GATAD2A: variants seen among roughly 807,000 people sequenced by gnomAD.
The protein encoded by GATAD2A is transcriptional repressor p66-alpha.
In GATAD2A, 12 loss-of-function variants were observed where a neutral mutation model predicts 68.5. The observed-to-expected ratio is 0.18, with a 90% confidence interval of 0.11 to 0.28. The LOEUF is 0.28. GATAD2A is among the 10% of genes least tolerant of loss of function. The probability of loss-of-function intolerance (pLI) is 1.00; values close to 1 mark genes in which losing one functional copy is unlikely to be tolerated. For synonymous variants in GATAD2A, 410 were observed against 375.3 expected (o/e 1.09, Z -1.07); for missense variants, 755 against 868.5 (o/e 0.87, Z 1.64).
chr19:19,406,733 T>A lies in GATAD2A; in HGVS notation c.-7+714T>A, dbSNP rs918433185. Among the ~76,000 whole-genome samples the A allele has an allele frequency of 1.5e-4, 23 of 152,318 alleles. 1 individual carries two copies. Among genetic ancestry groups the A allele is most frequent in the Admixed American group, 1.3e-3 (20 of 15,312 alleles). ...AGCAGCTGGCCTTTTAAAGGGATTA[T>A]TGCCAAGAATCGGAATTGATCACTT... is the stretch of plus-strand genomic sequence containing the variant. On this transcript the variant is annotated intron_variant, in intron 1 of 11. Coordinates refer to ENST00000683918, the MANE Select transcript of GATAD2A (RefSeq NM_001384528.1).
At chr19:19,387,636 G>A (rs965820636) in intron 1 of GATAD2A, among the ~76,000 whole-genome samples, 1 of 152,094 alleles carries the variant, frequency 6.6e-6, no homozygotes, top group Non-Finnish European at 1.5e-5. Context: ...TTTGATGAGT[G>A]CCTTCACTTT....
At chr19:19,450,766 T>C (rs2056296868) in intron 1 of GATAD2A, among the ~76,000 whole-genome samples, 1 of 148,588 alleles carries the variant, frequency 6.7e-6, no homozygotes, top group African/African-American at 2.5e-5. Flanking sequence ...AAAAAAACTC[T>C]TTTTTTTTGT....
intron 7 of GATAD2A, 69 bp from the exon 8 acceptor site, chr19:19,498,374 C>T (rs899936082): frequency 1.7e-5 from 25 of 1,467,018 alleles, no homozygotes; most frequent in East Asian, 9.2e-5. Context: ...CCTCGGGCTT[C>T]GGGGCGCTGG....
intron 1 of GATAD2A, among the ~76,000 whole-genome samples, chr19:19,397,264 C>T (rs537021145): frequency 2.0e-5 from 3 of 151,684 alleles, no homozygotes; most frequent in East Asian, 3.9e-4. Context: ...TTTTTTGAGA[C>T]GGAGTTTCGC....
Position 19,452,041 on chromosome 19 carries a change from A to C in GATAD2A, c.-6-13299A>C, listed in dbSNP as rs1191694678. On this transcript the variant is annotated intron_variant, in intron 1 of 11. Transcript: ENST00000683918. ...TCTGAGACAATTGAGCAAGACTCAGAAGTAGGAGGAGGGGATGAAAACTGT... is the reference window on the plus strand; with the variant it reads ...TCTGAGACAATTGAGCAAGACTCAGCAGTAGGAGGAGGGGATGAAAACTGT... Among the ~76,000 whole-genome samples, 5 of 152,166 alleles carry C rather than the reference A, an allele frequency of 3.3e-5. No individual in the cohort carries two copies. The East Asian group carries it at 9.6e-4, about 29-fold the overall frequency.
chr19:19,426,113 T>C (rs1255013266), intron 1 of GATAD2A, among the ~76,000 whole-genome samples: 2 of 152,116 alleles, frequency 1.3e-5, no homozygotes, highest in Admixed American at 6.5e-5. Context: ...GTTTTCTTTT[T>C]AATGATGTTA....
chr19:19,422,824 G>A (rs1034286920), intron 1 of GATAD2A, among the ~76,000 whole-genome samples: 7 of 151,260 alleles, frequency 4.6e-5, no homozygotes, highest in Non-Finnish European at 1.0e-4. Flanking sequence ...CCACTCTTCT[G>A]CCTCAGCCTC....
chr19:19,485,441 G>A (rs1013675969), intron 2 of GATAD2A, among the ~76,000 whole-genome samples: 1 of 152,184 alleles, frequency 6.6e-6, no homozygotes, highest in Non-Finnish European at 1.5e-5. Context: ...CACATGTGAT[G>A]GCCAAAACAG....
At chr19:19,454,701 G>C (rs1055368952) in intron 1 of GATAD2A, among the ~76,000 whole-genome samples, 1 of 151,248 alleles carries the variant, frequency 6.6e-6, no homozygotes, top group Admixed American at 6.6e-5. Flanking sequence ...CTCCCAAAGA[G>C]TTGGGATTAC....
intron 2 of GATAD2A, among the ~76,000 whole-genome samples, chr19:19,468,195 C>T (rs1468486455): frequency 6.6e-6 from 1 of 152,222 alleles, no homozygotes; most frequent in Non-Finnish European, 1.5e-5. Context: ...ATGCCCTCTC[C>T]CATCTGTTTG....
intron 8 of GATAD2A, among the ~76,000 whole-genome samples, chr19:19,498,986 G>C (rs955975260): frequency 3.9e-5 from 6 of 152,318 alleles, no homozygotes; most frequent in Middle Eastern, 3.4e-3. Flanking sequence ...GCGTGTGGTG[G>C]GGTAGACGTG....
chr19:19,413,208 G>A (rs1247015679), intron 1 of GATAD2A, among the ~76,000 whole-genome samples: 2 of 152,150 alleles, frequency 1.3e-5, no homozygotes, highest in African/African-American at 4.8e-5. Flanking sequence ...TTTAGCACAG[G>A]CTCACTCTGC....
At chr19:19,502,552 A>T in intron 11 of GATAD2A, 26 bp downstream of exon 11, 5 of 1,553,052 alleles carry the variant, frequency 3.2e-6, no homozygotes, top group South Asian at 1.2e-5. Flanking sequence ...AGGGCTCCCC[A>T]GGGGACCTGC....
chr19:19,471,947 G>C lies in GATAD2A; in HGVS notation c.269+6333G>C, dbSNP rs2058343279. Among the ~76,000 whole-genome samples the C allele has an allele frequency of 1.3e-5, 2 of 152,088 alleles. 1 individual carries two copies. Among genetic ancestry groups the C allele is most frequent in the South Asian group, 4.2e-4 (2 of 4,790 alleles). The stretch of plus-strand genomic sequence containing the variant: ...GTCTTGCACTGTCGGCCAGGCAAGA[G>C]TGCAGTGGTGCAGTCGTAGCTCACT... On this transcript the variant is annotated intron_variant, in intron 2 of 11. Coordinates refer to ENST00000683918, the MANE Select transcript of GATAD2A (RefSeq NM_001384528.1).
intron 2 of GATAD2A, chr19:19,474,100 G>A: frequency 1.0e-6 from 1 of 985,252 alleles, no homozygotes; most frequent in South Asian, 4.7e-5. Context: ...GTGCCAAAAT[G>A]GGGCCAGCTG....
At chr19:19,409,583 TC>T (rs2050680008) in intron 1 of GATAD2A, among the ~76,000 whole-genome samples, 1 of 152,188 alleles carries the variant, frequency 6.6e-6, no homozygotes, top group Non-Finnish European at 1.5e-5. Flanking sequence ...CTGTGGGTCT[TC>T]CAGGTTAACA....
intron 1 of GATAD2A, chr19:19,464,646 T>G (rs1238001674): frequency 6.6e-6 from 1 of 152,478 alleles, no homozygotes; most frequent in Non-Finnish European, 1.5e-5. Flanking sequence ...ACTCAGCTGT[T>G]TTTTTCTTCT....
chr19:19,401,139 CAAAAA>C (rs750599017), upstream of GATAD2A, among the ~76,000 whole-genome samples: 86 of 42,534 alleles, frequency 2.0e-3, no homozygotes, highest in African/African-American at 7.2e-3. Flanking sequence ...GACTCTGTCT[CAAAAA>C]AAAAAAAAAA....
rs149857587 is a variant in GATAD2A, at chr19:19,445,426, T to G, written c.-6-19914T>G. ...AGCATGTAAAATTCACATGGTAGAA[T>G]ATTCACCAGTTTTAACGTTTTTAAA... On this transcript the variant is annotated intron_variant, in intron 1 of 11. Coordinates refer to ENST00000683918, the MANE Select transcript of GATAD2A (RefSeq NM_001384528.1). 5.3e-3 allele frequency among the ~76,000 whole-genome samples: 801 copies of G among 152,342 alleles called. 6 individuals carry two copies. Among genetic ancestry groups the G allele is most frequent in the South Asian group, 0.041 (197 of 4,826 alleles).
Sources: allele counts gnomAD v4.1 joint callset (sites outside exome capture counted in the v4.1 genomes callset), GRCh38; gene constraint gnomAD v4.1.1; transcripts MANE v1.5; gene names NCBI Gene and HGNC (gene_info 2026-07-23, HGNC 2026-07-21).